Variants in NXN observed in about 807,000 individuals in gnomAD.
NXN encodes the protein nucleoredoxin 1.
NXN carries 16 observed loss-of-function variants against 48.6 expected under a neutral mutation model. The observed-to-expected ratio is 0.33, with a 90% CI of 0.22 to 0.50. NXN has a LOEUF of 0.50. Among genes scored for constraint, NXN ranks in the 20% least tolerant of loss-of-function variants. The pLI is 0.98. For missense variants in NXN, 492 were observed against 605.5 expected, an observed-to-expected ratio of 0.81 and a Z score of 1.97; for synonymous variants, 281 against 269.6, an observed-to-expected ratio of 1.04 and a Z score of -0.41.
At chr17:916,049 T>C (rs2068686032) in intron 1 of NXN, among the ~76,000 whole-genome samples, 2 of 152,258 alleles carry the variant, frequency 1.3e-5, no homozygotes, top group Non-Finnish European at 2.9e-5. Flanking sequence ...AGAGCGCCTG[T>C]CTGGCTGCCA....
intron 5 of NXN, among the ~76,000 whole-genome samples, chr17:814,073 C>G (rs916107640): frequency 3.3e-5 from 5 of 151,764 alleles, no homozygotes; most frequent in South Asian, 4.2e-4. Flanking sequence ...CCAGGCTGGC[C>G]AACATGGTGA....
At chr17:873,366 G>T (rs1362635111) in intron 1 of NXN, among the ~76,000 whole-genome samples, 1 of 151,670 alleles carries the variant, frequency 6.6e-6, no homozygotes, top group Non-Finnish European at 1.5e-5. Flanking sequence ...GTGTGGTGGG[G>T]GGTGCCTGTA....
chr17:812,896 G>C (rs1912221701), intron 5 of NXN, among the ~76,000 whole-genome samples: 1 of 141,088 alleles, frequency 7.1e-6, no homozygotes, highest in Non-Finnish European at 1.5e-5. Context: ...GTGAATGTAG[G>C]TGTGTGCATG....
intron 1 of NXN, among the ~76,000 whole-genome samples, chr17:924,601 C>T (rs931918214): frequency 3.3e-5 from 5 of 152,168 alleles, no homozygotes; most frequent in South Asian, 2.1e-4. Context: ...AAGTGTGTTC[C>T]GGTGGACCGT....
At chr17:891,511 C>T (rs1179773301) in intron 1 of NXN, among the ~76,000 whole-genome samples, 3 of 152,208 alleles carry the variant, frequency 2.0e-5, no homozygotes, top group African/African-American at 7.2e-5. Context: ...AGGATATCAG[C>T]TCATGAAGAT....
At chr17:966,008 C>T (rs948042146) in intron 1 of NXN, among the ~76,000 whole-genome samples, 7 of 151,724 alleles carry the variant, frequency 4.6e-5, no homozygotes, top group East Asian at 2.0e-4. Context: ...CCCAGCTACT[C>T]GAGAGGCTGA....
intron 5 of NXN, among the ~76,000 whole-genome samples, chr17:812,225 C>T (rs1912098126): frequency 6.6e-6 from 1 of 152,190 alleles, no homozygotes; most frequent in Non-Finnish European, 1.5e-5. Flanking sequence ...CTGCGCGTGG[C>T]CTGGGTTACC....
At chr17:904,600 A>G (rs1484451178) in intron 1 of NXN, among the ~76,000 whole-genome samples, 1 of 152,018 alleles carries the variant, frequency 6.6e-6, no homozygotes, top group Non-Finnish European at 1.5e-5. Context: ...CTGGGGTGCA[A>G]TGGTGCCATC....
Position 954,766 on chromosome 17 carries a change from C to T in NXN, c.360+24553G>A, listed in dbSNP as rs141102585. Among the ~76,000 whole-genome samples, 1,429 of 152,360 alleles carry T rather than the reference C, an allele frequency of 9.4e-3. 20 individuals carry two copies. The highest frequency in any genetic ancestry group is 0.033 in the African/African-American group (1,377 of 41,582). On this transcript the variant is annotated intron_variant, in intron 1 of 7. Coordinates refer to ENST00000336868, the MANE Select transcript of NXN (RefSeq NM_022463.5). ...AGGAAAAAGTACTGTGGCTGCCAAG[C>T]CATCTGGATGGAATGGAATGGCTCT...
chr17:802,127 C>T (rs1567806019), intron 7 of NXN, among the ~76,000 whole-genome samples: 2 of 147,734 alleles, frequency 1.4e-5, no homozygotes, highest in African/African-American at 4.9e-5. Flanking sequence ...AAGGGAGCTA[C>T]TTTTTTTTTT....
chr17:891,892 C>T (rs374157380), intron 1 of NXN, among the ~76,000 whole-genome samples: 4,726 of 128,696 alleles, frequency 0.037, 2 homozygotes, highest in Middle Eastern at 0.053. Context: ...CCATGTACAA[C>T]CCAACAGGGA....
chr17:915,524 A>ACC (rs2068680031), intron 1 of NXN, among the ~76,000 whole-genome samples: 65 of 152,186 alleles, frequency 4.3e-4, no homozygotes, highest in Admixed American at 3.3e-4. Flanking sequence ...GGCTCAGGCA[A>ACC]TCAACCTGCC....
At chr17:968,758 T>G (rs1221592078) in intron 1 of NXN, among the ~76,000 whole-genome samples, 1 of 150,376 alleles carries the variant, frequency 6.6e-6, no homozygotes, top group African/African-American at 2.5e-5. Context: ...GTCAAGATAG[T>G]GAAACCCTGT....
At chr17:890,572 G>A (rs570291264) in intron 1 of NXN, among the ~76,000 whole-genome samples, 4 of 145,660 alleles carry the variant, frequency 2.7e-5, no homozygotes, top group Non-Finnish European at 5.9e-5. Context: ...AGTAGAGATG[G>A]GGTTTTCACC....
chr17:806,934 A>G (rs1348672662), intron 5 of NXN, among the ~76,000 whole-genome samples: 3 of 150,150 alleles, frequency 2.0e-5, no homozygotes, highest in African/African-American at 5.0e-5. Context: ...ACACACACAC[A>G]CACACACACA....
At position 805,128 on chromosome 17, in the gene NXN, C is replaced by A; in HGVS notation, c.940G>T (p.Glu314Ter). The A allele has an allele frequency of 6.2e-7, 1 of 1,610,210 alleles. No homozygotes were observed. ...EFPWHPKPVL[E>*]LSDSNAAQLN... ...TGCGCGGCGTTGGAGTCGGAGAGCTCCAGCACGGGCTTGGGGTGCCAGGGG... is the reference window on the plus strand; with the variant it reads ...TGCGCGGCGTTGGAGTCGGAGAGCTACAGCACGGGCTTGGGGTGCCAGGGG... The change falls in exon 6 of 8, where the codon GAG becomes TAG. Residue 314 changes from glutamate (E) to a stop codon, truncating the protein, a stop_gained. Coordinates refer to ENST00000336868, the MANE Select transcript of NXN (RefSeq NM_022463.5). LOFTEE classifies it high-confidence loss of function.
rs1322251607 is a variant in NXN at position 979,687 on chromosome 17, A to G, written c.-9T>C. On this transcript the variant is annotated 5_prime_UTR_variant, in exon 1 of 8. Transcript: ENST00000336868. ...TCCAGGAAGCCCGACATCCTGGCCC[A>G]CCGCAGGGCGGGCAGGCGGCTGCGA... The G allele has an allele frequency of 1.4e-6, 2 of 1,425,256 alleles. No homozygotes were observed. Among genetic ancestry groups the G allele is most frequent in the East Asian group, 5.9e-5 (2 of 34,182 alleles). 88.3% of individuals were successfully genotyped at this position (1,425,256 alleles called of 1,614,324 possible).
At chr17:968,069 T>G (rs138892682) in intron 1 of NXN, among the ~76,000 whole-genome samples, 1 of 151,658 alleles carries the variant, frequency 6.6e-6, no homozygotes, top group African/African-American at 2.4e-5. Flanking sequence ...GGTGTGATAT[T>G]GTGGTTATGT....
chr17:860,933 T>G (rs1289392719), intron 1 of NXN, among the ~76,000 whole-genome samples: 2 of 152,196 alleles, frequency 1.3e-5, no homozygotes, highest in African/African-American at 4.8e-5. Flanking sequence ...CAAAAAGAAC[T>G]GAAAAGAAAG....
Sources: allele counts gnomAD v4.1 joint callset (sites outside exome capture counted in the v4.1 genomes callset), GRCh38; gene constraint gnomAD v4.1.1; transcripts MANE v1.5; gene names NCBI Gene and HGNC (gene_info 2026-07-23, HGNC 2026-07-21).